Variants in IL7 observed in about 807,000 individuals in gnomAD.
IL7 encodes interleukin-7.
Under a neutral mutation model 21.6 loss-of-function variants are expected in IL7, and 3 were observed. The ratio of observed to expected loss-of-function variants is 0.14; its 90% CI spans 0.06 to 0.36. The LOEUF (loss-of-function observed/expected upper bound fraction) is 0.36, where lower values mean the gene tolerates loss of function less well. Among genes scored for constraint, IL7 ranks in the 10% least tolerant of loss-of-function variants. The probability of loss-of-function intolerance (pLI) is 1.00; values close to 1 mark genes in which losing one functional copy is unlikely to be tolerated. For synonymous variants in IL7, 62 were observed against 68.1 expected, an observed-to-expected ratio of 0.91 and a Z score of 0.44; for missense variants, 175 against 200.2, an observed-to-expected ratio of 0.87 and a Z score of 0.76.
chr8:78,755,914 A>T (rs1299900476), intron 2 of IL7, among the ~76,000 whole-genome samples: 1 of 151,978 alleles, frequency 6.6e-6, no homozygotes, highest in Non-Finnish European at 1.5e-5. Flanking sequence ...TTCAGTTATT[A>T]TAAGAAAGAC....
intron 3 of IL7, among the ~76,000 whole-genome samples, chr8:78,708,152 T>C (rs1810837528): frequency 6.6e-6 from 1 of 152,196 alleles, no homozygotes; most frequent in Admixed American, 6.6e-5. Context: ...TGAGTAAAGG[T>C]TGAATTAAGA....
intron 4 of IL7, among the ~76,000 whole-genome samples, chr8:78,685,732 T>G (rs1256915833): frequency 6.6e-6 from 1 of 152,230 alleles, no homozygotes; most frequent in African/African-American, 2.4e-5. Flanking sequence ...CTATTTTTCA[T>G]ATTTCTAATC....
intron 2 of IL7, among the ~76,000 whole-genome samples, chr8:78,775,030 C>T (rs536986860): frequency 6.6e-6 from 1 of 152,148 alleles, no homozygotes; most frequent in South Asian, 2.1e-4. Flanking sequence ...CATTCTTTAA[C>T]TTGTGTAAAG....
At chr8:78,704,482 G>C (rs879458453) in intron 3 of IL7, among the ~76,000 whole-genome samples, 2 of 151,886 alleles carry the variant, frequency 1.3e-5, no homozygotes, top group Admixed American at 6.6e-5. Flanking sequence ...AGTCTGATGG[G>C]CTTTCCTTTG....
intron 3 of IL7, among the ~76,000 whole-genome samples, chr8:78,693,444 T>C (rs1810285489): frequency 6.6e-6 from 1 of 152,222 alleles, no homozygotes; most frequent in Admixed American, 6.5e-5. Context: ...TGAGATGGTA[T>C]CTCATTGTGG....
Position 78,761,385 on chromosome 8 carries a change from A to G in IL7, c.148-21303T>C. 1.9e-6 allele frequency: 3 copies of G among 1,611,768 alleles called. No individual in the cohort carries two copies. In the Admixed American group the frequency reaches 5.0e-5, roughly 27 times the overall value. Reference sequence around the variant, plus strand: ...TAGATAGCTTGGGGATATTTCTCTAAAAGTCTAGAAGCAACAACTTTCATT... The same window carrying G: ...TAGATAGCTTGGGGATATTTCTCTAGAAGTCTAGAAGCAACAACTTTCATT... On this transcript the variant is annotated intron_variant, in intron 2 of 5. Coordinates refer to ENST00000263851, the MANE Select transcript of IL7 (RefSeq NM_000880.4).
chr8:78,721,992 C>T (rs544682536), intron 3 of IL7, among the ~76,000 whole-genome samples: 6 of 151,656 alleles, frequency 4.0e-5, no homozygotes, highest in Non-Finnish European at 5.9e-5. Flanking sequence ...TTTCAAATAA[C>T]GTTTGTATAT....
chr8:78,717,062 A>G (rs917197423), downstream of IL7, among the ~76,000 whole-genome samples: 8 of 152,272 alleles, frequency 5.3e-5, no homozygotes, highest in South Asian at 2.1e-4. Context: ...GTAGTTCTTT[A>G]TAGCAATGTG....
intron 2 of IL7, among the ~76,000 whole-genome samples, chr8:78,745,741 A>C (rs953810738): frequency 1.3e-5 from 2 of 152,230 alleles, no homozygotes; most frequent in Non-Finnish European, 2.9e-5. Flanking sequence ...GGATGTTTTC[A>C]TTCCATATGG....
chr8:78,731,976 T>C (rs1323902106), downstream of IL7, among the ~76,000 whole-genome samples: 1 of 152,080 alleles, frequency 6.6e-6, no homozygotes, highest in East Asian at 1.9e-4. Context: ...ACATTATAGA[T>C]AGCCTTGAAG....
At chr8:78,774,815 C>T (rs1315470927) in intron 2 of IL7, among the ~76,000 whole-genome samples, 1 of 151,952 alleles carries the variant, frequency 6.6e-6, no homozygotes, top group African/African-American at 2.4e-5. Flanking sequence ...TGAAAGTGTC[C>T]TCAGTGCTTT....
chr8:78,733,972 C>T (rs1273462549), intron 5 of IL7, 140 bp from the exon 6 acceptor site: 3 of 571,142 alleles, frequency 5.3e-6, no homozygotes, highest in Admixed American at 4.3e-5. Flanking sequence ...ATTTTAAAGA[C>T]GATGATTTCT....
chr8:78,731,651 T>G (rs758771661), downstream of IL7, among the ~76,000 whole-genome samples: 24 of 151,968 alleles, frequency 1.6e-4, no homozygotes, highest in Non-Finnish European at 3.2e-4. Context: ...TTGAGATAAA[T>G]CTCTAATTGT....
chr8:78,746,827 C>A (rs955758515), intron 2 of IL7: 3 of 345,230 alleles, frequency 8.7e-6, no homozygotes, highest in Non-Finnish European at 1.7e-5. Flanking sequence ...TTTAGATCAA[C>A]TAATTGTCCA....
intron 3 of IL7, among the ~76,000 whole-genome samples, chr8:78,699,292 C>T (rs1563633508): frequency 6.6e-6 from 1 of 151,906 alleles, no homozygotes; most frequent in Non-Finnish European, 1.5e-5. Context: ...AAAATTGTAA[C>T]AGTGGAGATA....
chr8:78,755,560 T>C (rs985418024), intron 2 of IL7, among the ~76,000 whole-genome samples: 1 of 152,002 alleles, frequency 6.6e-6, no homozygotes, highest in Admixed American at 6.6e-5. Flanking sequence ...AATTTATTTC[T>C]AGGTTTTTAT....
downstream of IL7, chr8:78,675,594 C>G: frequency 1.9e-6 from 1 of 514,696 alleles, no homozygotes; most frequent in South Asian, 2.9e-5. Flanking sequence ...CCATATTTAT[C>G]CTGACCTTTT....
intron 2 of IL7, among the ~76,000 whole-genome samples, chr8:78,781,291 G>A (rs750317105): frequency 9.9e-5 from 15 of 152,256 alleles, no homozygotes; most frequent in Non-Finnish European, 2.2e-4. Flanking sequence ...CAGACTTGTT[G>A]ATGTAGTTGC....
chr8:78,726,526 T>G (rs1811343372), intron 3 of IL7, among the ~76,000 whole-genome samples: 1 of 151,988 alleles, frequency 6.6e-6, no homozygotes, highest in South Asian at 2.1e-4. Flanking sequence ...CTTAAACATA[T>G]AACCTGAATA....
Sources: allele counts gnomAD v4.1 joint callset (sites outside exome capture counted in the v4.1 genomes callset), GRCh38; gene constraint gnomAD v4.1.1; transcripts MANE v1.5; gene names NCBI Gene and HGNC (gene_info 2026-07-23, HGNC 2026-07-21).